Variants in DAB1 observed in about 807,000 individuals in gnomAD.
The protein encoded by DAB1 is DAB adaptor protein 1, also known as disabled homolog 1.
A neutral mutation model predicts 64.6 loss-of-function variants in DAB1; 15 were observed. The observed-to-expected ratio is 0.23, with a 90% CI of 0.16 to 0.36. The LOEUF (loss-of-function observed/expected upper bound fraction) is 0.36. Among genes scored for constraint, DAB1 ranks in the 10% least tolerant of loss-of-function variants. DAB1 has a pLI of 1.00. For synonymous variants in DAB1, 235 were observed against 251.9 expected (o/e 0.93, Z 0.64); for missense variants, 596 against 706.7 (o/e 0.84, Z 1.78).
intron 3 of DAB1, among the ~76,000 whole-genome samples, chr1:58,489,201 AG>A (rs1645631137): frequency 6.6e-6 from 1 of 152,218 alleles, no homozygotes; most frequent in African/African-American, 2.4e-5. Context: ...AGCCAAGGAA[AG>A]GGGTAACAGA....
At chr1:57,431,789 G>A (rs998837820) in intron 7 of DAB1, among the ~76,000 whole-genome samples, 2 of 151,986 alleles carry the variant, frequency 1.3e-5, no homozygotes, top group Non-Finnish European at 2.9e-5. Flanking sequence ...GGAGCTTAAG[G>A]TGATATTAGT....
At chr1:57,750,763 C>A (rs1648511603) in intron 6 of DAB1, among the ~76,000 whole-genome samples, 1 of 152,132 alleles carries the variant, frequency 6.6e-6, no homozygotes, top group Admixed American at 6.5e-5. Flanking sequence ...CTCAAGTTGC[C>A]TCTCTTACCC....
intron 3 of DAB1, among the ~76,000 whole-genome samples, chr1:58,392,796 G>C (rs545907701): frequency 8.5e-5 from 13 of 152,274 alleles, no homozygotes; most frequent in Non-Finnish European, 1.6e-4. Flanking sequence ...CTAAGGTACT[G>C]GTCTCTTCTT....
chr1:57,488,408 A>T (rs1025919983), intron 7 of DAB1, among the ~76,000 whole-genome samples: 21 of 151,332 alleles, frequency 1.4e-4, no homozygotes, highest in Non-Finnish European at 2.8e-4. Context: ...TCTCAAAAAA[A>T]AAAAAAAAAA....
chr1:57,345,803 T>C (rs1678032454), intron 1 of DAB1, among the ~76,000 whole-genome samples: 1 of 152,230 alleles, frequency 6.6e-6, no homozygotes, highest in Non-Finnish European at 1.5e-5. Context: ...CCGGTGCCTA[T>C]GCAACTTATG....
intron 7 of DAB1, among the ~76,000 whole-genome samples, chr1:57,585,215 C>G (rs1251396485): frequency 4.6e-5 from 6 of 131,694 alleles, no homozygotes; most frequent in Non-Finnish European, 9.3e-5. Flanking sequence ...AGCCACTGCA[C>G]TCCAGCCTGG....
chr1:58,474,366 T>C (rs1156707706), intron 3 of DAB1, among the ~76,000 whole-genome samples: 1 of 152,034 alleles, frequency 6.6e-6, no homozygotes, highest in Non-Finnish European at 1.5e-5. Flanking sequence ...TGTGCAAAAG[T>C]AATTGCCTTT....
chr1:57,140,788 T>C (rs892978783), intron 3 of DAB1, among the ~76,000 whole-genome samples: 4 of 152,136 alleles, frequency 2.6e-5, no homozygotes, highest in African/African-American at 4.8e-5. Flanking sequence ...CTGTGTGAAA[T>C]GATTGACACA....
intron 6 of DAB1, among the ~76,000 whole-genome samples, chr1:57,738,515 C>T (rs1647805062): frequency 6.6e-6 from 1 of 152,048 alleles, no homozygotes; most frequent in Non-Finnish European, 1.5e-5. Context: ...CAACCCCACA[C>T]CCTACAGCCA....
Position 57,086,964 on chromosome 1 carries a change from C to T in DAB1, c.307-14550G>A, listed in dbSNP as rs141641313. ...GAAGTCAAAGATCTGTGGTGTCCAT[C>T]GATGTCCCCATTTGTGGGATACTGT... On this transcript the variant is annotated intron_variant, in intron 4 of 14. Transcript: ENST00000371236. Among the ~76,000 whole-genome samples, 1,234 of 152,224 alleles carry T rather than the reference C, an allele frequency of 8.1e-3. 17 individuals are homozygous for T. The highest frequency in any genetic ancestry group is 0.028 in the African/African-American group (1,155 of 41,524).
intron 4 of DAB1, among the ~76,000 whole-genome samples, chr1:58,297,304 G>A (rs2100457055): frequency 6.6e-6 from 1 of 152,268 alleles, no homozygotes; most frequent in South Asian, 2.1e-4. Flanking sequence ...CCTGTAACTT[G>A]GTATTACTTG....
intron 6 of DAB1, among the ~76,000 whole-genome samples, chr1:57,753,027 G>A (rs72914445): frequency 0.017 from 2,642 of 152,196 alleles, 81 homozygotes; most frequent in African/African-American, 0.061. Context: ...TGTGTTCCCC[G>A]GGGCTGGAAC....
At chr1:57,054,473 T>C (rs1649538995) in intron 9 of DAB1, among the ~76,000 whole-genome samples, 1 of 138,234 alleles carries the variant, frequency 7.2e-6, no homozygotes, top group Admixed American at 7.2e-5. Flanking sequence ...GAATGTGCTT[T>C]TTTTTTTTTT....
intron 4 of DAB1, among the ~76,000 whole-genome samples, chr1:58,184,307 ATAT>A (rs1656958531): frequency 6.7e-6 from 1 of 148,420 alleles, no homozygotes; most frequent in African/African-American, 2.4e-5. Flanking sequence ...ATAATAATAT[ATAT>A]TAATAATATA....
intron 7 of DAB1, among the ~76,000 whole-genome samples, chr1:57,587,589 A>G (rs1249722238): frequency 6.6e-6 from 1 of 152,170 alleles, no homozygotes; most frequent in Non-Finnish European, 1.5e-5. Flanking sequence ...CCTTACCACA[A>G]GGTTATAATA....
At chr1:57,859,636 T>C (rs1653916715) in intron 1 of DAB1, among the ~76,000 whole-genome samples, 1 of 152,224 alleles carries the variant, frequency 6.6e-6, no homozygotes, top group African/African-American at 2.4e-5. Context: ...TTTGGCTCGT[T>C]CTACCCTTAA....
intron 7 of DAB1, among the ~76,000 whole-genome samples, chr1:57,646,412 A>G (rs1646191493): frequency 1.3e-5 from 2 of 152,208 alleles, no homozygotes; most frequent in Admixed American, 1.3e-4. Context: ...CAACAATAGC[A>G]TGAAAGCCTT....
chr1:57,398,679 A>T (rs1404210943), intron 1 of DAB1, among the ~76,000 whole-genome samples: 1 of 152,188 alleles, frequency 6.6e-6, no homozygotes, highest in East Asian at 1.9e-4. Context: ...AAAACACCCC[A>T]TGTTTACAAG....
intron 5 of DAB1, among the ~76,000 whole-genome samples, chr1:58,005,177 C>T (rs1646562901): frequency 6.6e-6 from 1 of 152,124 alleles, no homozygotes; most frequent in South Asian, 2.1e-4. Flanking sequence ...GGTGTGTAAC[C>T]ATCACCATAA....
Sources: gnomAD v4.1 joint callset for allele counts (sites outside exome capture counted in the v4.1 genomes callset) on GRCh38, gnomAD v4.1.1 for gene constraint, MANE v1.5 for transcripts, NCBI Gene and HGNC (gene_info 2026-07-23, HGNC 2026-07-21) for gene names.